Variants in CTNNA3 observed in about 807,000 individuals in gnomAD.
The protein encoded by CTNNA3 is catenin alpha 3, also known as catenin alpha-3.
In CTNNA3, 76 loss-of-function variants were observed where a neutral mutation model predicts 95.7. The observed-to-expected ratio is 0.79, with a 90% confidence interval of 0.66 to 0.96. The LOEUF (loss-of-function observed/expected upper bound fraction) is 0.96. CTNNA3 is among the 40% of genes least tolerant of loss of function. The pLI is 0.00. For synonymous variants in CTNNA3, 431 were observed against 374.4 expected, an observed-to-expected ratio of 1.15 and a Z score of -1.74; for missense variants, 1,191 against 1,089.8, an observed-to-expected ratio of 1.09 and a Z score of -1.31.
At chr10:66,188,809 G>C (rs10822742) in intron 13 of CTNNA3, among the ~76,000 whole-genome samples, 57,336 of 151,808 alleles carry the variant, frequency 0.38, 11,291 homozygotes, top group South Asian at 0.53. Context: ...CAGCTATACT[G>C]TTTTCCACAA....
At chr10:66,574,483 GA>G (rs891529637) in intron 10 of CTNNA3, among the ~76,000 whole-genome samples, 51 of 152,080 alleles carry the variant, frequency 3.4e-4, no homozygotes, top group African/African-American at 9.2e-4. Context: ...ATTAGAATAA[GA>G]AAAAACTAGG....
intron 9 of CTNNA3, among the ~76,000 whole-genome samples, chr10:66,695,304 G>A (rs1589136589): frequency 6.6e-6 from 1 of 152,126 alleles, no homozygotes; most frequent in Admixed American, 6.5e-5. Flanking sequence ...GGGAATCTTT[G>A]GAGTCAGGCA....
chr10:67,495,639 A>C (rs1208022533), intron 5 of CTNNA3, among the ~76,000 whole-genome samples: 1 of 148,858 alleles, frequency 6.7e-6, no homozygotes, highest in Non-Finnish European at 1.5e-5. Flanking sequence ...CTCAGGAGGC[A>C]CAGAAGAGGT....
chr10:67,319,472 T>A (rs920597848), intron 5 of CTNNA3, among the ~76,000 whole-genome samples: 1 of 152,210 alleles, frequency 6.6e-6, no homozygotes, highest in African/African-American at 2.4e-5. Context: ...TAATATTTAT[T>A]AAATAAGTAC....
intron 9 of CTNNA3, among the ~76,000 whole-genome samples, chr10:66,712,865 T>G (rs1848340164): frequency 6.6e-6 from 1 of 152,174 alleles, no homozygotes; most frequent in South Asian, 2.1e-4. Flanking sequence ...ATAATGTGTC[T>G]ACATGACAGT....
chr10:67,687,127 C>T (rs1840747382), intron 1 of CTNNA3, among the ~76,000 whole-genome samples: 2 of 152,152 alleles, frequency 1.3e-5, no homozygotes, highest in Admixed American at 6.6e-5. Flanking sequence ...GACAGCTGTC[C>T]AGGACAGGAG....
intron 9 of CTNNA3, among the ~76,000 whole-genome samples, chr10:66,714,115 G>A (rs950459243): frequency 1.3e-5 from 2 of 152,054 alleles, no homozygotes; most frequent in African/African-American, 2.4e-5. Flanking sequence ...TGATCGAATC[G>A]TGATGGTGTA....
intron 12 of CTNNA3, among the ~76,000 whole-genome samples, chr10:66,362,954 A>G (rs1329486918): frequency 6.6e-6 from 1 of 152,162 alleles, no homozygotes; most frequent in Non-Finnish European, 1.5e-5. Context: ...CTATTTCTGA[A>G]AAGGAAAACA....
intron 5 of CTNNA3, among the ~76,000 whole-genome samples, chr10:67,284,506 T>C (rs1839518015): frequency 6.6e-6 from 1 of 152,204 alleles, no homozygotes; most frequent in Admixed American, 6.5e-5. Flanking sequence ...ATTTTGAATA[T>C]TTTTATCTGT....
At chr10:67,648,001 T>G (rs1589531251) in intron 1 of CTNNA3, among the ~76,000 whole-genome samples, 2 of 152,306 alleles carry the variant, frequency 1.3e-5, no homozygotes, top group East Asian at 3.9e-4. Context: ...GATTTAGAGA[T>G]TGTTTATTTG....
intron 15 of CTNNA3, among the ~76,000 whole-genome samples, chr10:66,056,111 G>A (rs1341123832): frequency 6.6e-6 from 1 of 152,026 alleles, no homozygotes; most frequent in Non-Finnish European, 1.5e-5. Flanking sequence ...AGCTGTTAAA[G>A]GAGAGGCTTT....
rs566242916 is a variant in CTNNA3, at chr10:66,755,495, G to A, written c.1281+10769C>T. Among the ~76,000 whole-genome samples, 28 of 151,984 alleles carry A rather than the reference G, an allele frequency of 1.8e-4. No homozygotes were observed. The East Asian group carries it at 5.4e-3, about 29-fold the overall frequency. ...GATCATTGATATCATTTGTAATTAG[G>A]GAAATGCAAGTTGAAGCATTATGAG... On this transcript the variant is annotated intron_variant, in intron 9 of 17. Coordinates refer to ENST00000433211, the MANE Select transcript of CTNNA3 (RefSeq NM_013266.4).
intron 1 of CTNNA3, among the ~76,000 whole-genome samples, chr10:67,693,191 T>C (rs2133593074): frequency 6.6e-6 from 1 of 152,350 alleles, no homozygotes; most frequent in East Asian, 1.9e-4. Context: ...TTTAAGCATG[T>C]GAAAAATCAG....
chr10:67,609,308 G>C (rs1385350173), intron 2 of CTNNA3, among the ~76,000 whole-genome samples: 1 of 152,144 alleles, frequency 6.6e-6, no homozygotes, highest in South Asian at 2.1e-4. Context: ...GGAGGCTCAT[G>C]ATAATCATGC....
At chr10:65,976,144 T>C (rs1048799119) in intron 16 of CTNNA3, among the ~76,000 whole-genome samples, 1 of 152,168 alleles carries the variant, frequency 6.6e-6, no homozygotes, top group Non-Finnish European at 1.5e-5. Context: ...TACACCTCCT[T>C]ACCTCCATGT....
At chr10:67,474,286 G>C (rs1323070943) in intron 5 of CTNNA3, among the ~76,000 whole-genome samples, 1 of 152,044 alleles carries the variant, frequency 6.6e-6, no homozygotes, top group Admixed American at 6.6e-5. Context: ...CCTTTAAAAA[G>C]GTAATTACAT....
At chr10:67,176,954 T>G (rs781275247) in intron 7 of CTNNA3, 8 of 507,218 alleles carry the variant, frequency 1.6e-5, no homozygotes, top group Non-Finnish European at 3.9e-6. Context: ...TTTACTCCAG[T>G]GAGGCCCAGG....
At chr10:66,110,360 T>TAA (rs35402161) in intron 13 of CTNNA3, among the ~76,000 whole-genome samples, 1,302 of 104,794 alleles carry the variant, frequency 0.012, 34 homozygotes, top group East Asian at 0.08. Context: ...AGACTCTGTC[T>TAA]AAAAAAAAAA....
chr10:66,199,803 ATATTTTTTTT>A (rs2087261428), intron 13 of CTNNA3, among the ~76,000 whole-genome samples: 1 of 10,572 alleles, frequency 9.5e-5, no homozygotes, highest in Non-Finnish European at 1.5e-4. Flanking sequence ...ATATATATAT[ATATTTTTTTT>A]TTTTTTTTTT....
Sources: gnomAD v4.1 joint callset for allele counts (sites outside exome capture counted in the v4.1 genomes callset) on GRCh38, gnomAD v4.1.1 for gene constraint, MANE v1.5 for transcripts, NCBI Gene and HGNC (gene_info 2026-07-23, HGNC 2026-07-21) for gene names.